Variants in SLC4A8 observed in about 807,000 individuals in gnomAD.
SLC4A8 encodes solute carrier family 4 member 8, also known as electroneutral sodium bicarbonate exchanger 1.
SLC4A8 carries 40 observed loss-of-function variants against 125.0 expected under a neutral mutation model. That is an observed-to-expected ratio of 0.32 (90% confidence interval 0.25 to 0.42). SLC4A8 has a LOEUF of 0.42. SLC4A8 is among the 10% of genes least tolerant of loss of function. SLC4A8 has a pLI of 1.00. For missense variants in SLC4A8, 863 were observed against 1,355.1 expected, an observed-to-expected ratio of 0.64 and a Z score of 5.70; for synonymous variants, 456 against 476.0, an observed-to-expected ratio of 0.96 and a Z score of 0.55.
At chr12:51,498,372 C>T (rs1198670054) in intron 22 of SLC4A8, among the ~76,000 whole-genome samples, 1 of 151,724 alleles carries the variant, frequency 6.6e-6, no homozygotes, top group African/African-American at 2.4e-5. Context: ...TGACCAGTTG[C>T]CTTATGACAA....
At chr12:51,488,647 T>A in intron 17 of SLC4A8, 52 bp from the exon 18 acceptor site, 2 of 1,431,420 alleles carry the variant, frequency 1.4e-6, no homozygotes, top group Non-Finnish European at 1.9e-6. Flanking sequence ...TGATATGTTT[T>A]ACCCCAATGA....
chr12:51,438,461 C>G (rs1434751777), intron 1 of SLC4A8, among the ~76,000 whole-genome samples: 3 of 152,168 alleles, frequency 2.0e-5, no homozygotes, highest in African/African-American at 7.2e-5. Flanking sequence ...GACAAGATTT[C>G]ATACTTTTTA....
chr12:51,447,834 A>G (rs1949828064), intron 2 of SLC4A8, among the ~76,000 whole-genome samples: 2 of 149,706 alleles, frequency 1.3e-5, no homozygotes, highest in Admixed American at 6.8e-5. Context: ...CTCCTGCCTC[A>G]GCCTCCTAAG....
intron 16 of SLC4A8, among the ~76,000 whole-genome samples, chr12:51,481,537 A>G (rs1388502543): frequency 6.6e-6 from 1 of 152,112 alleles, no homozygotes; most frequent in Non-Finnish European, 1.5e-5. Flanking sequence ...AAATCACATC[A>G]GTACAGGCCT....
At chr12:51,422,692 C>T (rs781309807), upstream of SLC4A8, among the ~76,000 whole-genome samples, 1 of 152,194 alleles carries the variant, frequency 6.6e-6, no homozygotes, top group Non-Finnish European at 1.5e-5. Context: ...TATTACCTCC[C>T]ACTGCTCTTC....
At chr12:51,503,701 G>T (rs1385131814) in intron 22 of SLC4A8, among the ~76,000 whole-genome samples, 1 of 152,050 alleles carries the variant, frequency 6.6e-6, no homozygotes, top group African/African-American at 2.4e-5. Flanking sequence ...GACCTCTAGG[G>T]CTTCTCACCA....
At chr12:51,506,092 A>G (rs1029497505) in intron 24 of SLC4A8, among the ~76,000 whole-genome samples, 162 bp downstream of exon 24, 2 of 152,248 alleles carry the variant, frequency 1.3e-5, no homozygotes, top group Non-Finnish European at 1.5e-5. Flanking sequence ...GCCTTAAAAA[A>G]GTAAAAATGT....
At chr12:51,395,274 G>C (rs1428143804) in intron 1 of SLC4A8, among the ~76,000 whole-genome samples, 1 of 151,972 alleles carries the variant, frequency 6.6e-6, no homozygotes, top group African/African-American at 2.4e-5. Context: ...TGCAGGACAT[G>C]TCTAGATTCT....
At chr12:51,418,385 G>T (rs925928561) in intron 1 of SLC4A8, among the ~76,000 whole-genome samples, 2 of 152,138 alleles carry the variant, frequency 1.3e-5, no homozygotes, top group Non-Finnish European at 2.9e-5. Context: ...AGGGGGCAGG[G>T]ACAAGTTCCG....
At chr12:51,470,556 C>T (rs1176631333) in intron 13 of SLC4A8, 31 bp downstream of exon 13, 2 of 1,597,508 alleles carry the variant, frequency 1.3e-6, no homozygotes, top group Non-Finnish European at 1.7e-6. Flanking sequence ...AAAACTCTAA[C>T]CAGATTTAGT....
intron 1 of SLC4A8, among the ~76,000 whole-genome samples, chr12:51,435,866 G>T (rs1194947779): frequency 6.6e-6 from 1 of 151,904 alleles, no homozygotes; most frequent in Non-Finnish European, 1.5e-5. Flanking sequence ...TTCCTGGCTG[G>T]GACCTATGAC....
intron 1 of SLC4A8, among the ~76,000 whole-genome samples, chr12:51,437,592 C>G (rs1949460952): frequency 6.6e-6 from 1 of 152,314 alleles, no homozygotes; most frequent in South Asian, 2.1e-4. Flanking sequence ...CTTCCTGACT[C>G]TCTTACCAGA....
intron 2 of SLC4A8, among the ~76,000 whole-genome samples, chr12:51,446,008 A>G (rs1451254587): frequency 3.3e-5 from 5 of 152,140 alleles, no homozygotes; most frequent in African/African-American, 1.2e-4. Context: ...GATTTCATTA[A>G]CATACTATAA....
chr12:51,486,906 TATAATACCTTCTAGA>T (rs1208385639), intron 17 of SLC4A8, among the ~76,000 whole-genome samples: 1 of 152,266 alleles, frequency 6.6e-6, no homozygotes, highest in African/African-American at 2.4e-5. Context: ...CTCTTGTAAG[TATAATACCTTCTAGA>T]ATATGGCATT....
At chr12:51,432,640 T>A (rs1398683324) in intron 1 of SLC4A8, among the ~76,000 whole-genome samples, 2 of 150,836 alleles carry the variant, frequency 1.3e-5, no homozygotes, top group Non-Finnish European at 3.0e-5. Flanking sequence ...GGACAATTGT[T>A]TGAACCCAGG....
intron 16 of SLC4A8, chr12:51,480,358 G>T: frequency 8.5e-7 from 1 of 1,173,972 alleles, no homozygotes; most frequent in Non-Finnish European, 1.1e-6. Context: ...TGGAATAAAA[G>T]TCTAGAATGT....
At chr12:51,460,579 A>T (rs763471351) in intron 8 of SLC4A8, among the ~76,000 whole-genome samples, 10 of 152,226 alleles carry the variant, frequency 6.6e-5, no homozygotes, top group Non-Finnish European at 1.5e-4. Context: ...ATAGGAAGCC[A>T]AGTCTTATCT....
chr12:51,416,162 A>G (rs925540293), intron 1 of SLC4A8, among the ~76,000 whole-genome samples: 6 of 146,758 alleles, frequency 4.1e-5, no homozygotes, highest in Non-Finnish European at 7.4e-5. Flanking sequence ...AGCTGTCCTA[A>G]TTAGTACCCA....
intron 1 of SLC4A8, among the ~76,000 whole-genome samples, chr12:51,407,447 T>C (rs1948510724): frequency 6.6e-6 from 1 of 151,872 alleles, no homozygotes; most frequent in Non-Finnish European, 1.5e-5. Flanking sequence ...TTTTTTTTTT[T>C]TGGTAGAAAT....
Sources: allele counts gnomAD v4.1 joint callset (sites outside exome capture counted in the v4.1 genomes callset), GRCh38; gene constraint gnomAD v4.1.1; transcripts MANE v1.5; gene names NCBI Gene and HGNC (gene_info 2026-07-23, HGNC 2026-07-21).